Variants in PRH1 observed in about 807,000 individuals in gnomAD.
PRH1 encodes proline rich protein HaeIII subfamily 1, also known as salivary acidic proline-rich phosphoprotein 1/2.
Under a neutral mutation model 7.9 loss-of-function variants are expected in PRH1, and 7 were observed. That is an observed-to-expected ratio of 0.89 (90% CI 0.50 to 1.67). The LOEUF is 1.67. PRH1 is among the 40% of genes most tolerant of loss of function. PRH1 has a pLI of 0.00. For synonymous variants in PRH1, 45 were observed against 80.8 expected (o/e 0.56, Z 2.38); for missense variants, 109 against 223.6 (o/e 0.49, Z 3.27).
intron 1 of PRH1, chr12:11,166,366 A>C (rs1197125226): frequency 1.3e-5 from 2 of 152,368 alleles, no homozygotes; most frequent in African/African-American, 4.8e-5. Flanking sequence ...AGCCCAGAGC[A>C]AGTGAGTTTC....
intron 2 of PRH1, among the ~76,000 whole-genome samples, chr12:10,922,818 A>ATTT (rs1338757664): frequency 6.1e-5 from 1 of 16,458 alleles, no homozygotes; most frequent in African/African-American, 1.2e-4. Context: ...TTTTCCATGA[A>ATTT]TTTTTTCTTT....
chr12:11,060,243 C>T (rs1375201576), intron 1 of PRH1, among the ~76,000 whole-genome samples: 2 of 151,936 alleles, frequency 1.3e-5, no homozygotes, highest in Admixed American at 1.3e-4. Context: ...ACTTTCATTT[C>T]ATCATTGACA....
At chr12:10,914,145 C>A (rs1260217977) in intron 2 of PRH1, among the ~76,000 whole-genome samples, 1 of 152,126 alleles carries the variant, frequency 6.6e-6, no homozygotes, top group Non-Finnish European at 1.5e-5. Flanking sequence ...CGATAGCAGT[C>A]ACCTGTGGTT....
chr12:10,997,367 T>C, intron 1 of PRH1: 1 of 1,614,140 alleles, frequency 6.2e-7, no homozygotes, highest in Non-Finnish European at 8.5e-7. Flanking sequence ...GTGCATTGCA[T>C]TCCTCAGTTT....
rs375661665 is a variant in PRH1, at chr12:10,986,859, A to G, written c.-125-13138T>C. The stretch of plus-strand genomic sequence containing the variant: ...AAAAAAAATGTATAGAAAAGTTATC[A>G]TATCTGAGCAGAAAAAAAGAAAGAA... On this transcript the variant is annotated intron_variant, in intron 1 of 3. Transcript: ENST00000539853. 234 of 1,507,228 alleles carry G rather than the reference A, an allele frequency of 1.6e-4. 2 individuals carry two copies. The highest frequency in any genetic ancestry group is 1.5e-3 in the South Asian group (109 of 70,874). The allele number at this position is 1,507,228 out of a possible 1,614,324, so 93.4% of individuals were successfully genotyped here. A position where few individuals can be genotyped will look rare whatever the true frequency, so the allele number is the denominator to read the frequency against.
chr12:11,162,390 T>C lies in PRH1; in HGVS notation n.39+9032A>G, dbSNP rs142411545. 5.3e-5 allele frequency among the ~76,000 whole-genome samples: 8 copies of C among 152,332 alleles called. No homozygotes were observed. In the East Asian group the frequency reaches 9.6e-4, roughly 18 times the overall value. On this transcript the variant is annotated intron_variant and non_coding_transcript_variant, in intron 1 of 1. Coordinates refer to the PRH1 transcript ENST00000541175. ...GCCCCTAATCATCCACTTTATACTT[T>C]GAAGTGAAGATATATATATCTTGTG...
intron 1 of PRH1, chr12:11,133,426 T>C: frequency 6.2e-7 from 1 of 1,613,992 alleles, no homozygotes; most frequent in Non-Finnish European, 8.5e-7. Context: ...ATGGGTGGGT[T>C]GAAGGATAGC....
chr12:10,998,981 A>C (rs1188685714), intron 1 of PRH1, among the ~76,000 whole-genome samples: 1 of 151,998 alleles, frequency 6.6e-6, no homozygotes, highest in Admixed American at 6.6e-5. Flanking sequence ...AGAATGAGTA[A>C]CTCATGGAAT....
intron 2 of PRH1, chr12:10,909,120 C>G: frequency 6.2e-7 from 1 of 1,613,782 alleles, no homozygotes; most frequent in East Asian, 2.2e-5. Context: ...TAATATTTCC[C>G]AGATCAGCCC....
intron 2 of PRH1, among the ~76,000 whole-genome samples, chr12:10,948,827 G>C (rs923239233): frequency 6.6e-6 from 1 of 152,136 alleles, no homozygotes; most frequent in African/African-American, 2.4e-5. Flanking sequence ...CCTTTGTGTA[G>C]GGTATTTATT....
chr12:11,019,503 T>G (rs1195241147), intron 1 of PRH1, among the ~76,000 whole-genome samples: 1 of 152,292 alleles, frequency 6.6e-6, no homozygotes, highest in Non-Finnish European at 1.5e-5. Context: ...TTCCATGCGT[T>G]TATAACATGG....
chr12:11,078,453 G>C, intron 1 of PRH1: 1 of 133,822 alleles, frequency 7.5e-6, no homozygotes, highest in African/African-American at 3.0e-5. Context: ...AGAAAATATT[G>C]TTATTCTCAA....
chr12:11,022,122 A>T (rs768782461), intron 1 of PRH1: 3 of 1,613,884 alleles, frequency 1.9e-6, no homozygotes, highest in Admixed American at 3.3e-5. Context: ...ACACTCTCTC[A>T]TCCATGGTTA....
intron 1 of PRH1, chr12:11,091,416 G>A (rs200533679): frequency 0.028 from 28,496 of 1,035,936 alleles, 7,138 homozygotes; most frequent in Admixed American, 0.061. Flanking sequence ...TGGATTGAAG[G>A]ATAGCTGAAT....
intron 1 of PRH1, among the ~76,000 whole-genome samples, chr12:11,127,297 T>C (rs1033943826): frequency 6.6e-6 from 1 of 152,154 alleles, no homozygotes; most frequent in Non-Finnish European, 1.5e-5. Flanking sequence ...ATCATCATTT[T>C]GCAATTTTTT....
chr12:11,030,863 T>C (rs780290333), intron 1 of PRH1: 1 of 1,614,188 alleles, frequency 6.2e-7, no homozygotes, highest in Non-Finnish European at 8.5e-7. Context: ...GTTTCCTTCA[T>C]ATTCTTTTGT....
chr12:10,974,773 A>C (rs921765209), intron 1 of PRH1, among the ~76,000 whole-genome samples: 1 of 152,192 alleles, frequency 6.6e-6, no homozygotes. Context: ...CTAGTTCAGC[A>C]GCAATGGTTC....
At chr12:10,949,273 G>A (rs924039904) in intron 2 of PRH1, among the ~76,000 whole-genome samples, 1 of 152,160 alleles carries the variant, frequency 6.6e-6, no homozygotes, top group Non-Finnish European at 1.5e-5. Flanking sequence ...GCATTTGTGG[G>A]ACCCATGGAA....
chr12:10,924,971 T>G (rs1950104837), intron 2 of PRH1, among the ~76,000 whole-genome samples: 1 of 152,214 alleles, frequency 6.6e-6, no homozygotes, highest in Admixed American at 6.5e-5. Flanking sequence ...ATTCATGGAT[T>G]TCTTGAAGGG....
Sources: gnomAD v4.1 joint callset for allele counts (sites outside exome capture counted in the v4.1 genomes callset) on GRCh38, gnomAD v4.1.1 for gene constraint, MANE v1.5 for transcripts, NCBI Gene and HGNC (gene_info 2026-07-23, HGNC 2026-07-21) for gene names.